Variants in SOX5 observed in about 807,000 individuals in gnomAD.
SOX5 encodes SRY-box transcription factor 5.
Under a neutral mutation model 92.0 loss-of-function variants are expected in SOX5, and 9 were observed. The observed-to-expected ratio is 0.10, with a 90% CI of 0.06 to 0.17. The LOEUF (loss-of-function observed/expected upper bound fraction) is 0.17. Ranked by LOEUF, SOX5 falls within the 10% of genes least tolerant of loss-of-function variation. SOX5 has a pLI of 1.00. For synonymous variants in SOX5, 344 were observed against 336.3 expected, an observed-to-expected ratio of 1.02 and a Z score of -0.25; for missense variants, 642 against 944.5, an observed-to-expected ratio of 0.68 and a Z score of 4.20.
chr12:24,529,968 T>C (rs1951039237), intron 1 of SOX5, among the ~76,000 whole-genome samples: 1 of 134,494 alleles, frequency 7.4e-6, no homozygotes, highest in African/African-American at 2.9e-5. Context: ...TGCAGTGAGC[T>C]GAGATCACGC....
chr12:24,410,828 T>C (rs1963940327), intron 1 of SOX5, among the ~76,000 whole-genome samples: 1 of 152,230 alleles, frequency 6.6e-6, no homozygotes, highest in Non-Finnish European at 1.5e-5. Flanking sequence ...ATATAAATTT[T>C]TCTTCTCTGT....
At chr12:24,402,883 A>G (rs1199428963) in intron 1 of SOX5, among the ~76,000 whole-genome samples, 3 of 152,144 alleles carry the variant, frequency 2.0e-5, no homozygotes, top group African/African-American at 7.2e-5. Flanking sequence ...CTCCTTATCA[A>G]TCTCTTAGTT....
intron 1 of SOX5, among the ~76,000 whole-genome samples, chr12:23,918,454 G>T (rs1472367831): frequency 6.6e-6 from 1 of 152,108 alleles, no homozygotes; most frequent in Non-Finnish European, 1.5e-5. Context: ...AATATTTTAG[G>T]ATTAACTAAA....
At chr12:24,454,813 TAA>T (rs1942803689) in intron 1 of SOX5, among the ~76,000 whole-genome samples, 2 of 152,212 alleles carry the variant, frequency 1.3e-5, no homozygotes, top group African/African-American at 4.8e-5. Flanking sequence ...TGACATAGGT[TAA>T]AAGTCTGCAG....
chr12:23,717,066 T>C (rs2092546769), intron 6 of SOX5, among the ~76,000 whole-genome samples: 1 of 152,198 alleles, frequency 6.6e-6, no homozygotes, highest in Non-Finnish European at 1.5e-5. Context: ...AGATTTGAGG[T>C]AGCTACCATT....
intron 2 of SOX5, among the ~76,000 whole-genome samples, chr12:24,350,143 A>T (rs183167107): frequency 2.6e-5 from 4 of 152,346 alleles, no homozygotes; most frequent in Non-Finnish European, 4.4e-5. Flanking sequence ...AGGAAAATTT[A>T]ATATCCTATT....
chr12:23,972,016 C>T (rs2140152124), intron 4 of SOX5, among the ~76,000 whole-genome samples: 1 of 152,166 alleles, frequency 6.6e-6, no homozygotes, highest in East Asian at 1.9e-4. Flanking sequence ...TCCATTTGGG[C>T]ATTCAATAAA....
intron 4 of SOX5, among the ~76,000 whole-genome samples, chr12:24,072,410 A>G (rs1000652094): frequency 1.1e-4 from 16 of 152,358 alleles, no homozygotes; most frequent in African/African-American, 3.8e-4. Flanking sequence ...TATGGAACAG[A>G]TAACACCTGC....
At chr12:23,991,140 G>T (rs1236160537) in intron 4 of SOX5, among the ~76,000 whole-genome samples, 2 of 150,786 alleles carry the variant, frequency 1.3e-5, no homozygotes, top group Non-Finnish European at 2.9e-5. Context: ...GGTCGCTTGA[G>T]CCCAGGAGTT....
chr12:23,549,763 T>G (rs543999841), intron 11 of SOX5, among the ~76,000 whole-genome samples: 2 of 152,020 alleles, frequency 1.3e-5, no homozygotes, highest in African/African-American at 4.8e-5. Flanking sequence ...AAGATGAGTC[T>G]TATCTGCCTA....
chr12:23,595,145 G>A (rs1952166365), intron 9 of SOX5, among the ~76,000 whole-genome samples: 4 of 152,078 alleles, frequency 2.6e-5, no homozygotes, highest in Admixed American at 2.6e-4. Context: ...TTTGATATAT[G>A]ATAGAAATAA....
intron 1 of SOX5, 140 bp downstream of exon 1, chr12:23,949,424 A>T: frequency 2.0e-6 from 2 of 1,002,682 alleles, no homozygotes; most frequent in Non-Finnish European, 3.1e-6. Flanking sequence ...ACAAAAAATC[A>T]GCTAACAAGA....
At chr12:24,510,479 A>T (rs1949203083) in intron 1 of SOX5, among the ~76,000 whole-genome samples, 1 of 152,224 alleles carries the variant, frequency 6.6e-6, no homozygotes, top group Admixed American at 6.5e-5. Context: ...ATCAAATTAA[A>T]CAACTAAAGG....
At chr12:23,771,412 C>T (rs540189880) in intron 3 of SOX5, among the ~76,000 whole-genome samples, 120 of 152,110 alleles carry the variant, frequency 7.9e-4, no homozygotes, top group Non-Finnish European at 1.6e-3. Context: ...GGCCTGGCTC[C>T]AATGTTAGGC....
chr12:23,562,164 A>G (rs1272840004), intron 11 of SOX5, among the ~76,000 whole-genome samples: 2 of 152,152 alleles, frequency 1.3e-5, no homozygotes, highest in Non-Finnish European at 2.9e-5. Flanking sequence ...CATACGTCTT[A>G]TGTTGTAACA....
chr12:23,847,598 T>G (rs1166497679), intron 2 of SOX5, among the ~76,000 whole-genome samples: 1 of 152,048 alleles, frequency 6.6e-6, no homozygotes, highest in Admixed American at 6.6e-5. Context: ...GTTAAGATAT[T>G]AGTGAGTACA....
Position 24,357,352 on chromosome 12 carries a change from G to C in SOX5, c.-174+11211C>G, listed in dbSNP as rs1027980527. The C allele has an allele frequency of 3.9e-5, 6 of 152,170 alleles. No individual in the cohort carries two copies. In the East Asian group the frequency reaches 5.8e-4, roughly 15 times the overall value. 9.4% of individuals were successfully genotyped at this position (152,170 alleles called of 1,614,324 possible). A position where few individuals can be genotyped will look rare whatever the true frequency, so the allele number is the denominator to read the frequency against. On this transcript the variant is annotated intron_variant, in intron 2 of 4. Coordinates refer to the SOX5 transcript ENST00000446891. ...TTAGTGCCTACCAGATGCAGTGCAC[G>C]AGTATAGGTTCTGTGCAAAGATGGG... is the stretch of plus-strand genomic sequence containing the variant.
At chr12:23,908,138 T>C (rs1163461092) in intron 1 of SOX5, among the ~76,000 whole-genome samples, 2 of 152,120 alleles carry the variant, frequency 1.3e-5, no homozygotes, top group Non-Finnish European at 2.9e-5. Flanking sequence ...TTAATTTATT[T>C]AGGATCTAAT....
chr12:23,880,810 C>G (rs376874017), intron 2 of SOX5, among the ~76,000 whole-genome samples: 2 of 152,120 alleles, frequency 1.3e-5, no homozygotes, highest in Non-Finnish European at 2.9e-5. Flanking sequence ...GAAATGAATT[C>G]TTACACAAAT....
Sources: gnomAD v4.1 joint callset for allele counts (sites outside exome capture counted in the v4.1 genomes callset) on GRCh38, gnomAD v4.1.1 for gene constraint, MANE v1.5 for transcripts, NCBI Gene and HGNC (gene_info 2026-07-23, HGNC 2026-07-21) for gene names.